Variants in TRMT1L observed in about 807,000 individuals in gnomAD.
The protein encoded by TRMT1L is tRNA methyltransferase 1L, also known as tRNA (guanine(27)-N(2))-dimethyltransferase.
TRMT1L carries 28 observed loss-of-function variants against 81.6 expected under a neutral mutation model. That is an observed-to-expected ratio of 0.34 (90% CI 0.25 to 0.47). The LOEUF (loss-of-function observed/expected upper bound fraction) is 0.47, where lower values mean the gene tolerates loss of function less well. Among genes scored for constraint, TRMT1L ranks in the 20% least tolerant of loss-of-function variants. TRMT1L has a pLI of 1.00. For synonymous variants in TRMT1L, 301 were observed against 303.2 expected (o/e 0.99, Z 0.07); for missense variants, 739 against 877.1 (o/e 0.84, Z 1.99).
intron 12 of TRMT1L, 40 bp downstream of exon 12, chr1:185,124,904 A>G (rs1478387483): frequency 5.3e-5 from 82 of 1,544,786 alleles, no homozygotes; most frequent in Non-Finnish European, 7.1e-5. Context: ...TATTTTTGGT[A>G]AGCAGTTTAA....
chr1:185,156,633 G>A lies in TRMT1L; in HGVS notation c.80C>T (p.Pro27Leu), dbSNP rs747658286. 5.0e-6 allele frequency: 8 copies of A among 1,605,174 alleles called. No individual in the cohort carries two copies. The highest frequency in any genetic ancestry group is 6.8e-6 in the Non-Finnish European group (8 of 1,175,978). The change falls in exon 1 of 15, where the codon CCG becomes CTG. Residue 27 changes from proline (P) to leucine (L), a missense_variant. By Grantham distance (98) the Pro-to-Leu change is moderately conservative. Transcript: ENST00000367506. Reference sequence around the variant, plus strand: ...TGGGACCCCAGCCGAGTCCCGGGCCGGGGTCGGGACCTGGACCTGGGCCAC... The same window carrying A: ...TGGGACCCCAGCCGAGTCCCGGGCCAGGGTCGGGACCTGGACCTGGGCCAC... ...VEVAQVQVPT[P>L]ARDSAGVPAP...
chr1:185,140,290 C>T, intron 7 of TRMT1L, 68 bp from the exon 8 acceptor site: 1 of 1,235,478 alleles, frequency 8.1e-7, no homozygotes, highest in African/African-American at 1.5e-5. Flanking sequence ...AATGGTATAA[C>T]AACATTCAGT....
Position 185,119,063 on chromosome 1 carries a change from AT to A in TRMT1L, c.*955del, listed in dbSNP as rs1275253645. Reference sequence around the variant, plus strand: ...GAAACAATATTTTTTTTTTCAACTAATTTTTATAGTTACATCAGCCTGGGCT... The same window carrying A: ...GAAACAATATTTTTTTTTTCAACTAATTTTATAGTTACATCAGCCTGGGCT... On this transcript the variant is annotated 3_prime_UTR_variant, in exon 15 of 15. Transcript: ENST00000367506. The A allele has an allele frequency of 6.6e-6, 1 of 151,990 alleles. No individual in the cohort carries two copies. The highest frequency in any genetic ancestry group is 2.4e-5 in the African/African-American group (1 of 41,394). The allele number at this position is 151,990 out of a possible 1,614,324, so 9.4% of individuals were successfully genotyped here. A position where few individuals can be genotyped will look rare whatever the true frequency, so the allele number is the denominator to read the frequency against.
At chr1:185,152,323 G>A (rs1352490381) in intron 1 of TRMT1L, among the ~76,000 whole-genome samples, 3 of 152,172 alleles carry the variant, frequency 2.0e-5, no homozygotes, top group Non-Finnish European at 4.4e-5. Flanking sequence ...ATTAAGTAGA[G>A]ATTTGCTAAC....
chr1:185,125,178 CAA>C (rs1557984411), intron 11 of TRMT1L, 68 bp from the exon 12 acceptor site: 1 of 1,175,152 alleles, frequency 8.5e-7, no homozygotes, highest in Non-Finnish European at 1.2e-6. Context: ...AAAGTCTTCA[CAA>C]TTTAACTATA....
At chr1:185,139,843 G>A in intron 8 of TRMT1L, 130 bp downstream of exon 8, 1 of 1,097,150 alleles carries the variant, frequency 9.1e-7, no homozygotes, top group Non-Finnish European at 1.3e-6. Context: ...GCATACCTTA[G>A]GCCAATGTCA....
At chr1:185,143,825 A>G in intron 6 of TRMT1L, 81 bp downstream of exon 6, 1 of 1,218,236 alleles carries the variant, frequency 8.2e-7, no homozygotes, top group South Asian at 1.9e-5. Flanking sequence ...AAATTTTAAT[A>G]TATTAGAACA....
chr1:185,155,031 T>C (rs530649579), intron 1 of TRMT1L, among the ~76,000 whole-genome samples: 2 of 152,352 alleles, frequency 1.3e-5, no homozygotes, highest in Admixed American at 1.3e-4. Context: ...CTAAAAATAA[T>C]GTTTAAAATG....
Position 185,150,594 on chromosome 1 carries a change from A to G in TRMT1L, c.347-102T>C, listed in dbSNP as rs558196940. ...ATGGGGGCTCCCCCTCCTACTTCTT[A>G]AAGTCTTTCTTAACTTTAGGGAGAA... On this transcript the variant is annotated intron_variant, in intron 2 of 14. Transcript: ENST00000367506. The G allele has an allele frequency of 5.2e-6, 4 of 766,118 alleles. No individual in the cohort carries two copies. In the East Asian group the frequency reaches 1.1e-4, roughly 21 times the overall value. 47.5% of individuals were successfully genotyped at this position (766,118 alleles called of 1,614,324 possible). A position where few individuals can be genotyped will look rare whatever the true frequency, so the allele number is the denominator to read the frequency against.
Position 185,119,907 on chromosome 1 carries a change from T to A in TRMT1L, c.*112A>T. The A allele has an allele frequency of 8.0e-7, 1 of 1,247,270 alleles. No homozygotes were observed. The highest frequency in any genetic ancestry group is 2.0e-4 in the Middle Eastern group (1 of 4,960). The allele number at this position is 1,247,270 out of a possible 1,614,324, so 77.3% of individuals were successfully genotyped here. On this transcript the variant is annotated 3_prime_UTR_variant, in exon 15 of 15. Transcript: ENST00000367506. ...CTCAGTTTCTGAATGAAAATGACAC[T>A]GTTTTTTATTTTTACTCTACTGAAT...
rs1266276449 is a variant in TRMT1L at position 185,119,345 on chromosome 1, A to G, written c.*674T>C. ...TGCTCATGAACAAGTATTATATTAG[A>G]TTAATGGTCTCAATTTATTCTGACA... is the stretch of plus-strand genomic sequence containing the variant. On this transcript the variant is annotated 3_prime_UTR_variant, in exon 15 of 15. Coordinates refer to ENST00000367506, the MANE Select transcript of TRMT1L (RefSeq NM_030934.5). 2 of 152,180 alleles carry G rather than the reference A, an allele frequency of 1.3e-5. No individual in the cohort carries two copies. The highest frequency in any genetic ancestry group is 4.8e-5 in the African/African-American group (2 of 41,460). 9.4% of individuals were successfully genotyped at this position (152,180 alleles called of 1,614,324 possible).
chr1:185,152,212 C>T (rs568571707), intron 1 of TRMT1L, among the ~76,000 whole-genome samples: 11 of 152,190 alleles, frequency 7.2e-5, no homozygotes, highest in African/African-American at 1.9e-4. Flanking sequence ...CTGAAGGAAA[C>T]GTTAAGTCAT....
chr1:185,136,761 A>T (rs908340569), intron 10 of TRMT1L, among the ~76,000 whole-genome samples: 13 of 152,206 alleles, frequency 8.5e-5, no homozygotes, highest in Non-Finnish European at 1.3e-4. Flanking sequence ...GTGTATGAAG[A>T]AATATCCAAC....
At chr1:185,156,980 G>T (rs186380206), upstream of TRMT1L, 16 of 505,202 alleles carry the variant, frequency 3.2e-5, no homozygotes, top group Non-Finnish European at 3.8e-5. Flanking sequence ...GCGCAGAAGC[G>T]TACTGGGGAC....
chr1:185,129,015 C>G (rs1162932459), intron 10 of TRMT1L, among the ~76,000 whole-genome samples: 1 of 151,956 alleles, frequency 6.6e-6, no homozygotes, highest in Non-Finnish European at 1.5e-5. Flanking sequence ...CTGTTAAAAT[C>G]TCAATTATAC....
intron 2 of TRMT1L, among the ~76,000 whole-genome samples, chr1:185,151,420 A>G (rs995192634): frequency 6.6e-6 from 1 of 152,200 alleles, no homozygotes; most frequent in Non-Finnish European, 1.5e-5. Flanking sequence ...AGGAGAGTAG[A>G]GCAGAAAGAG....
intron 10 of TRMT1L, among the ~76,000 whole-genome samples, chr1:185,130,537 G>A (rs555213930): frequency 4.3e-4 from 65 of 152,288 alleles, no homozygotes; most frequent in African/African-American, 1.3e-3. Context: ...AAGTTCATTA[G>A]TGTTTTGGGA....
chr1:185,129,795 A>G (rs79919395), intron 10 of TRMT1L, among the ~76,000 whole-genome samples: 3,063 of 152,196 alleles, frequency 0.02, 50 homozygotes, highest in Middle Eastern at 0.034. Flanking sequence ...ACTTTTCAGT[A>G]TTATTTAATT....
chr1:185,126,425 G>A (rs1254767954), intron 11 of TRMT1L, among the ~76,000 whole-genome samples: 1 of 152,120 alleles, frequency 6.6e-6, no homozygotes, highest in East Asian at 1.9e-4. Context: ...CTCCCAAAGT[G>A]CTGGGATTAC....
Sources: allele counts gnomAD v4.1 joint callset (sites outside exome capture counted in the v4.1 genomes callset), GRCh38; gene constraint gnomAD v4.1.1; transcripts MANE v1.5; gene names NCBI Gene and HGNC (gene_info 2026-07-23, HGNC 2026-07-21).